The following RUNX3 variants were observed in gnomAD, a reference collection of about 807,000 sequenced individuals.
RUNX3 encodes the protein RUNX family transcription factor 3, also known as runt-related transcription factor 3.
RUNX3 carries 10 observed loss-of-function variants against 27.7 expected under a neutral mutation model. The ratio of observed to expected loss-of-function variants is 0.36; its 90% CI spans 0.22 to 0.61. RUNX3 has a LOEUF of 0.61. Ranked by LOEUF, RUNX3 falls within the 20% of genes least tolerant of loss-of-function variation. The probability of loss-of-function intolerance (pLI) is 0.72; values close to 1 mark genes in which losing one functional copy is unlikely to be tolerated. For missense variants in RUNX3, 469 were observed against 629.5 expected (o/e 0.75, Z 2.73); for synonymous variants, 270 against 269.2 (o/e 1.00, Z -0.03).
At chr1:24,918,953 C>A (rs945812098) in intron 3 of RUNX3, among the ~76,000 whole-genome samples, 40 of 152,346 alleles carry the variant, frequency 2.6e-4, no homozygotes, top group African/African-American at 9.4e-4. Context: ...AAGCACCCGA[C>A]AAATGCCATA....
intron 4 of RUNX3, among the ~76,000 whole-genome samples, chr1:24,903,758 G>A (rs777640135): frequency 3.3e-5 from 5 of 152,178 alleles, no homozygotes; most frequent in Non-Finnish European, 7.3e-5. Context: ...CCGTCTTTGA[G>A]GCAGCACAGG....
intron 2 of RUNX3, among the ~76,000 whole-genome samples, chr1:24,922,957 G>A (rs200860720): frequency 6.6e-6 from 1 of 151,954 alleles, no homozygotes; most frequent in East Asian, 1.9e-4. Flanking sequence ...CCTCCCCAGG[G>A]GCCCAAGTTT....
At chr1:24,934,603 G>A (rs778953917), upstream of RUNX3, among the ~76,000 whole-genome samples, 1 of 152,198 alleles carries the variant, frequency 6.6e-6, no homozygotes, top group African/African-American at 2.4e-5. Context: ...ATTGCTCATG[G>A]TATTCAATCC....
intron 3 of RUNX3, among the ~76,000 whole-genome samples, chr1:24,910,802 C>T (rs753016489): frequency 1.3e-5 from 2 of 152,212 alleles, no homozygotes; most frequent in Non-Finnish European, 2.9e-5. Context: ...GGCCAGGCCC[C>T]CACTGCTGCC....
At chr1:24,912,954 GAGA>G (rs1425107270) in intron 3 of RUNX3, among the ~76,000 whole-genome samples, 1 of 152,152 alleles carries the variant, frequency 6.6e-6, no homozygotes, top group Admixed American at 6.5e-5. Context: ...AGAGGAAGAT[GAGA>G]AGGTCTCAGT....
rs373133104 is a variant in RUNX3, at chr1:24,902,161, C to A, written c.1209G>T (p.Thr403=). ...SHSNSPTALS[T]PGRMDEAVWR... ...ACACGGCCTCATCCATGCGGCCTGG[C>A]GTGCTCAGGGCCGTGGGTGAGTTGC... Residue 403 remains threonine (T), a synonymous_variant, in exon 5 of 5, where the codon ACG becomes ACT. Coordinates refer to ENST00000308873, the MANE Select transcript of RUNX3 (RefSeq NM_004350.3). The surrounding 1 kb of genome is among the most constrained non-coding windows in gnomAD (Gnocchi z 9.2). 17 of 1,570,872 alleles carry A rather than the reference C, an allele frequency of 1.1e-5. No individual in the cohort carries two copies. The highest frequency in any genetic ancestry group is 1.5e-5 in the Non-Finnish European group (17 of 1,159,374).
intron 4 of RUNX3, among the ~76,000 whole-genome samples, chr1:24,903,472 G>T (rs986628593): frequency 6.6e-5 from 10 of 152,236 alleles, no homozygotes; most frequent in Non-Finnish European, 1.3e-4. Context: ...ACAGTGTCCA[G>T]CCCAGACTCT....
intron 4 of RUNX3, among the ~76,000 whole-genome samples, 166 bp downstream of exon 4, chr1:24,907,093 C>T (rs1013696636): frequency 2.0e-5 from 3 of 152,210 alleles, no homozygotes; most frequent in Admixed American, 1.3e-4. Flanking sequence ...ACAGAAAGCC[C>T]ACAGGAACCG....
At position 24,927,570 on chromosome 1, in the gene RUNX3, T is replaced by C; in HGVS notation, c.439+4A>G. On this transcript the variant is annotated splice_donor_region_variant and intron_variant, in intron 2 of 4. Transcript: ENST00000308873. This position sits in a 1 kb window ranked among gnomAD's most constrained non-coding sequence, Gnocchi z 5.0. ...TGAAATGGCGAGGCCTCCCTTCCAC[T>C]TACCTCGCCCACTGCGGCCCACGAA... The C allele has an allele frequency of 6.2e-7, 1 of 1,614,004 alleles. No homozygotes were observed. The highest frequency in any genetic ancestry group is 8.5e-7 in the Non-Finnish European group (1 of 1,179,944).
At chr1:24,935,554 G>A (rs1054369755) in intron 2 of RUNX3, among the ~76,000 whole-genome samples, 10 of 152,220 alleles carry the variant, frequency 6.6e-5, no homozygotes, top group African/African-American at 2.2e-4. Flanking sequence ...CTTCTTTTGC[G>A]GGAGCGCAGA....
At chr1:24,944,861 A>G (rs56218248) in intron 2 of RUNX3, among the ~76,000 whole-genome samples, 8,878 of 152,298 alleles carry the variant, frequency 0.058, 277 homozygotes, top group South Asian at 0.079. Flanking sequence ...TGGCCAAGGG[A>G]GACTCATAGA....
intron 4 of RUNX3, among the ~76,000 whole-genome samples, chr1:24,906,882 G>A (rs950846593): frequency 2.6e-5 from 4 of 152,234 alleles, no homozygotes; most frequent in Non-Finnish European, 5.9e-5. Flanking sequence ...GTGGGGCAGG[G>A]GTGGGGAAAC....
intron 2 of RUNX3, among the ~76,000 whole-genome samples, chr1:24,948,164 G>A (rs1641660311): frequency 6.6e-6 from 1 of 152,214 alleles, no homozygotes; most frequent in Non-Finnish European, 1.5e-5. Flanking sequence ...GGGACCCCCA[G>A]GAAGAGGAAG....
rs1640532140 is a variant in RUNX3, at chr1:24,901,019, T to TTTG, written c.*1102_*1103insCAA. ...AAATCAGTTTTAAAAACTGTTTTGT[T>TTTG]TTTTTTTTGTTTTTTTGTTTTTTTT... On this transcript the variant is annotated 3_prime_UTR_variant, in exon 5 of 5. Coordinates refer to ENST00000308873, the MANE Select transcript of RUNX3 (RefSeq NM_004350.3). 3.4e-5 allele frequency: 5 copies of TTTG among 146,786 alleles called. No individual in the cohort carries two copies. The highest frequency in any genetic ancestry group is 8.1e-5 in the African/African-American group (3 of 37,040). The allele number at this position is 146,786 out of a possible 1,614,324, so 9.1% of individuals were successfully genotyped here.
upstream of RUNX3, among the ~76,000 whole-genome samples, chr1:24,930,909 G>A (rs1001003520): frequency 6.6e-6 from 1 of 152,228 alleles, no homozygotes; most frequent in Non-Finnish European, 1.5e-5. This position sits in a 1 kb window ranked among gnomAD's most constrained non-coding sequence, Gnocchi z 4.1. Context: ...ACCGGGGACA[G>A]GCGGAAGGGA....
chr1:24,913,954 C>T (rs576936871), intron 3 of RUNX3, among the ~76,000 whole-genome samples: 3 of 152,228 alleles, frequency 2.0e-5, no homozygotes, highest in Non-Finnish European at 4.4e-5. Flanking sequence ...CCATGCATGT[C>T]GTCTCCAAGG....
intron 1 of RUNX3, chr1:24,928,972 C>T (rs1381629939): frequency 4.5e-6 from 2 of 447,152 alleles, no homozygotes; most frequent in Non-Finnish European, 4.5e-6. Flanking sequence ...TACTCCCTGG[C>T]ATAAAGAAAA....
chr1:24,947,030 C>T (rs936108839), intron 2 of RUNX3, among the ~76,000 whole-genome samples: 1 of 152,060 alleles, frequency 6.6e-6, no homozygotes, highest in Non-Finnish European at 1.5e-5. Context: ...CCTGTGTAGA[C>T]ATCATACTTG....
Position 24,962,525 on chromosome 1 carries a change from C to T in RUNX3, c.58+1989G>A, listed in dbSNP as rs1393863477. ...GCCTCCAGGGATGGGATTTGGGAGA[C>T]AGGCCCCCATGGCGAGCACGTCGTG... is the stretch of plus-strand genomic sequence containing the variant. On this transcript the variant is annotated intron_variant, in intron 2 of 6. Transcript: ENST00000338888. The surrounding 1 kb of genome is among the most constrained non-coding windows in gnomAD (Gnocchi z 4.5). 6.6e-6 allele frequency among the ~76,000 whole-genome samples: 1 copy of T among 152,190 alleles called. No homozygotes were observed. The highest frequency in any genetic ancestry group is 6.5e-5 in the Admixed American group (1 of 15,290).
Sources: gnomAD v4.1 joint callset for allele counts (sites outside exome capture counted in the v4.1 genomes callset) on GRCh38, gnomAD v4.1.1 for gene constraint, Gnocchi (gnomAD v3.1) non-coding constraint, MANE v1.5 for transcripts, NCBI Gene and HGNC (gene_info 2026-07-23, HGNC 2026-07-21) for gene names.